GULP1: variants seen among roughly 807,000 people sequenced by gnomAD.
The protein encoded by GULP1 is GULP PTB domain containing engulfment adaptor 1, also known as PTB domain-containing engulfment adapter protein 1.
Under a neutral mutation model 40.9 loss-of-function variants are expected in GULP1, and 19 were observed. That is an observed-to-expected ratio of 0.46 (90% CI 0.32 to 0.68). GULP1 has a LOEUF of 0.68. GULP1 is among the 30% of genes least tolerant of loss of function. GULP1 has a pLI of 0.03. For synonymous variants in GULP1, 119 were observed against 117.6 expected (o/e 1.01, Z -0.08); for missense variants, 312 against 362.2 (o/e 0.86, Z 1.12).
At chr2:188,447,507 C>G (rs888611020) in intron 2 of GULP1, among the ~76,000 whole-genome samples, 3 of 152,022 alleles carry the variant, frequency 2.0e-5, no homozygotes, top group Non-Finnish European at 4.4e-5. Context: ...GGGAGTCAGC[C>G]TGGTATAGTG....
intron 1 of GULP1, among the ~76,000 whole-genome samples, chr2:188,298,949 A>C (rs1444747743): frequency 6.6e-6 from 1 of 152,204 alleles, no homozygotes; most frequent in Admixed American, 6.5e-5. Context: ...TGGCAAGAGC[A>C]CACCAGACAA....
chr2:188,499,124 T>G (rs2063175697), intron 4 of GULP1, among the ~76,000 whole-genome samples: 1 of 22,964 alleles, frequency 4.4e-5, no homozygotes, highest in African/African-American at 1.8e-4. Flanking sequence ...CAAATGCACA[T>G]ATATGTGTGT....
chr2:188,553,423 T>C (rs1454713992), intron 7 of GULP1, among the ~76,000 whole-genome samples: 1 of 152,038 alleles, frequency 6.6e-6, no homozygotes, highest in African/African-American at 2.4e-5. Flanking sequence ...ATTGAGATGA[T>C]TATTTTTTGT....
intron 2 of GULP1, among the ~76,000 whole-genome samples, chr2:188,411,599 G>A (rs1168262114): frequency 3.9e-5 from 6 of 152,148 alleles, no homozygotes; most frequent in Admixed American, 6.5e-5. Flanking sequence ...GAGCATTCAC[G>A]TAAGATAACA....
At chr2:188,342,510 GA>G (rs1017698174) in intron 1 of GULP1, among the ~76,000 whole-genome samples, 1 of 152,070 alleles carries the variant, frequency 6.6e-6, no homozygotes. Context: ...ACTATTTCCA[GA>G]TAAGGTCACA....
intron 2 of GULP1, among the ~76,000 whole-genome samples, chr2:188,452,143 C>T (rs2058883958): frequency 6.6e-6 from 1 of 152,140 alleles, no homozygotes; most frequent in Non-Finnish European, 1.5e-5. Context: ...TTGTTATTCC[C>T]GGACTTGTGC....
intron 6 of GULP1, among the ~76,000 whole-genome samples, chr2:188,529,613 A>G (rs1575813854): frequency 6.6e-6 from 1 of 152,178 alleles, no homozygotes; most frequent in Non-Finnish European, 1.5e-5. Context: ...GAAACAAAAC[A>G]CCACAAACTG....
Position 188,381,105 on chromosome 2 carries a change from T to C in GULP1, c.-171-2658T>C, listed in dbSNP as rs536828190. ...GATTTTATATTTTAAAATAAAAATA[T>C]GTTCAAAAGAGCAGCCCCTAAGCCA... On this transcript the variant is annotated intron_variant, in intron 1 of 11. Coordinates refer to ENST00000409830, the MANE Select transcript of GULP1 (RefSeq NM_016315.4). Among the ~76,000 whole-genome samples the C allele has an allele frequency of 5.9e-5, 9 of 152,192 alleles. No individual in the cohort carries two copies. In the East Asian group the frequency reaches 1.7e-3, roughly 29 times the overall value.
At chr2:188,551,974 C>T (rs759806036) in intron 7 of GULP1, among the ~76,000 whole-genome samples, 9 of 151,362 alleles carry the variant, frequency 5.9e-5, no homozygotes, top group Non-Finnish European at 8.9e-5. Context: ...TGTCTTCCTC[C>T]GGGAAATGTC....
At chr2:188,392,864 A>G (rs945270001) in intron 2 of GULP1, among the ~76,000 whole-genome samples, 8 of 152,130 alleles carry the variant, frequency 5.3e-5, no homozygotes, top group Middle Eastern at 3.4e-3. Context: ...TCAGGAGCAG[A>G]TTGTTTAATT....
At chr2:188,513,829 A>G (rs1223355044) in intron 4 of GULP1, among the ~76,000 whole-genome samples, 7 of 152,098 alleles carry the variant, frequency 4.6e-5, no homozygotes. Flanking sequence ...GCCTTGAATA[A>G]CACTCTTTGA....
chr2:188,432,351 A>T (rs1288656597), intron 2 of GULP1, among the ~76,000 whole-genome samples: 1 of 151,804 alleles, frequency 6.6e-6, no homozygotes, highest in African/African-American at 2.4e-5. Flanking sequence ...AAAAACTGAG[A>T]TATTAGAAAA....
intron 2 of GULP1, among the ~76,000 whole-genome samples, chr2:188,435,536 A>C (rs948828014): frequency 6.6e-6 from 1 of 152,088 alleles, no homozygotes. Flanking sequence ...CACATGATAC[A>C]CTTGGCTGCT....
chr2:188,433,222 G>C (rs2057071091), intron 2 of GULP1, among the ~76,000 whole-genome samples: 1 of 152,018 alleles, frequency 6.6e-6, no homozygotes, highest in Non-Finnish European at 1.5e-5. Flanking sequence ...AAAACTGACT[G>C]GGTTGCTCCA....
At chr2:188,555,648 T>C (rs1208295006) in intron 7 of GULP1, among the ~76,000 whole-genome samples, 1 of 152,238 alleles carries the variant, frequency 6.6e-6, no homozygotes, top group Admixed American at 6.5e-5. Flanking sequence ...ATTCTTTATC[T>C]TTGACTTTAG....
chr2:188,482,865 C>T (rs1010557016), intron 3 of GULP1, among the ~76,000 whole-genome samples: 1 of 151,610 alleles, frequency 6.6e-6, no homozygotes, highest in Non-Finnish European at 1.5e-5. Context: ...AGTGTTTCCT[C>T]AAATTTAGAA....
At chr2:188,315,590 A>G (rs2106458399) in intron 1 of GULP1, among the ~76,000 whole-genome samples, 1 of 152,236 alleles carries the variant, frequency 6.6e-6, no homozygotes, top group South Asian at 2.1e-4. Flanking sequence ...GTACAAAATA[A>G]AGGTTTCTTG....
At chr2:188,532,699 T>G (rs898161575) in intron 6 of GULP1, among the ~76,000 whole-genome samples, 1 of 149,384 alleles carries the variant, frequency 6.7e-6, no homozygotes, top group East Asian at 2.0e-4. Context: ...GGGGGAATCA[T>G]GAGGTCAGCA....
At chr2:188,576,172 G>A (rs1700139919) in intron 9 of GULP1, among the ~76,000 whole-genome samples, 1 of 151,988 alleles carries the variant, frequency 6.6e-6, no homozygotes, top group South Asian at 2.1e-4. Context: ...CAGCCAATTG[G>A]AGATGCTTAT....
Sources: gnomAD v4.1 joint callset for allele counts (sites outside exome capture counted in the v4.1 genomes callset) on GRCh38, gnomAD v4.1.1 for gene constraint, MANE v1.5 for transcripts, NCBI Gene and HGNC (gene_info 2026-07-23, HGNC 2026-07-21) for gene names.